Variants in MCM8 observed in about 807,000 individuals in gnomAD.
MCM8 encodes minichromosome maintenance 8 homologous recombination repair factor.
MCM8 carries 85 observed loss-of-function variants against 98.9 expected under a neutral mutation model. The ratio of observed to expected loss-of-function variants is 0.86; its 90% CI spans 0.72 to 1.03. The LOEUF (loss-of-function observed/expected upper bound fraction) is 1.03, where lower values mean the gene tolerates loss of function less well. MCM8 is among the 50% of genes least tolerant of loss of function. The pLI is 0.00. For missense variants in MCM8, 951 were observed against 997.8 expected (o/e 0.95, Z 0.63); for synonymous variants, 352 against 338.6 (o/e 1.04, Z -0.44).
chr20:5,955,698 G>A (rs2088961491), intron 5 of MCM8, among the ~76,000 whole-genome samples: 1 of 152,140 alleles, frequency 6.6e-6, no homozygotes, highest in African/African-American at 2.4e-5. Context: ...AGTTTGTACT[G>A]TGCTTGCCTG....
intron 18 of MCM8, chr20:5,993,916 A>T: frequency 2.4e-6 from 1 of 421,004 alleles, no homozygotes; most frequent in Non-Finnish European, 4.2e-6. Context: ...TTAACGTTGC[A>T]TCCCTCATCT....
In MCM8 at chr20:5,962,368, T is replaced by C. The variant is rs1394003302; in HGVS notation, c.790-906T>C. On this transcript the variant is annotated intron_variant, in intron 7 of 18. Transcript: ENST00000610722. ...CCTTCATTTCTTTTTTTTTTTTTTTTTTTTTTTTTTTTTTTTTGAGACGGA... is the reference window on the plus strand; with the variant it reads ...CCTTCATTTCTTTTTTTTTTTTTTTCTTTTTTTTTTTTTTTTTGAGACGGA... 1.6e-4 allele frequency among the ~76,000 whole-genome samples: 9 copies of C among 55,640 alleles called. 1 individual carries two copies. Among genetic ancestry groups the C allele is most frequent in the Admixed American group, 5.0e-4 (3 of 6,006 alleles). 36.5% of individuals were successfully genotyped at this position (55,640 alleles called of 152,430 possible).
chr20:5,987,314 A>T lies in MCM8; in HGVS notation c.2196A>T (p.Ala732=). The change falls in exon 17 of 19, where the codon GCA becomes GCT. Residue 732 remains alanine (A), a synonymous_variant. Coordinates refer to ENST00000610722, the MANE Select transcript of MCM8 (RefSeq NM_032485.6). ...ARARLELREE[A]TKEDAEDIVE... is the part of the protein sequence containing the mutation. ...CAAGGTTGGAATTGAGAGAGGAAGC[A>T]ACCAAAGAAGACGCTGAGGATATAG... 3 of 1,613,534 alleles carry T rather than the reference A, an allele frequency of 1.9e-6. No individual in the cohort carries two copies. The highest frequency in any genetic ancestry group is 2.5e-6 in the Non-Finnish European group (3 of 1,179,806).
rs374172906 is a variant in MCM8 at position 5,958,710 on chromosome 20, A to G, written c.773A>G (p.Tyr258Cys). Residue 258 changes from tyrosine to cysteine, a missense_variant, in exon 7 of 19, where the codon TAC becomes TGC. Tyr to Cys is a radical substitution (Grantham distance 194, BLOSUM62 -2). Coordinates refer to ENST00000610722, the MANE Select transcript of MCM8 (RefSeq NM_032485.6). ...IQSFPLPDGK[Y>C]SLPTKCPVPV... ...AGCTTTCCTCTTCCAGATGGAAAAT[A>G]CAGTCTTCCCACAAAGGTAATACGT... The G allele has an allele frequency of 3.1e-6, 5 of 1,614,040 alleles. No homozygotes were observed. In the African/African-American group the frequency reaches 5.3e-5, roughly 17 times the overall value.
Position 5,986,072 on chromosome 20 carries a change from A to C in MCM8, c.2104A>C (p.Arg702=). Residue 702 remains arginine (R), a synonymous_variant, in exon 16 of 19, where the codon AGG becomes CGG. Transcript: ENST00000610722. ...FYLELRKQSQ[R]LNSSPITTRQ... is the part of the protein sequence containing the mutation. Reference sequence around the variant, plus strand: ...CCTTGAGCTCCGGAAACAGAGCCAGAGGTTAAATAGCTCACCAATCACTAC... The same window carrying C: ...CCTTGAGCTCCGGAAACAGAGCCAGCGGTTAAATAGCTCACCAATCACTAC... The C allele has an allele frequency of 4.3e-6, 7 of 1,614,204 alleles. No individual in the cohort carries two copies. Among genetic ancestry groups the C allele is most frequent in the Non-Finnish European group, 5.9e-6 (7 of 1,180,036 alleles).
At chr20:5,968,575 C>T (rs931882493) in intron 10 of MCM8, among the ~76,000 whole-genome samples, 1 of 152,100 alleles carries the variant, frequency 6.6e-6, no homozygotes, top group Non-Finnish European at 1.5e-5. Context: ...TTTCAGTGTC[C>T]ATAAATAAAG....
At position 5,984,594 on chromosome 20, in the gene MCM8, A is replaced by G. The variant is rs370807053; in HGVS notation, c.1734-187A>G. Among the ~76,000 whole-genome samples the G allele has an allele frequency of 1.4e-4, 21 of 152,322 alleles. 1 individual carries two copies. Among genetic ancestry groups the G allele is most frequent in the Middle Eastern group, 3.4e-3 (1 of 294 alleles). On this transcript the variant is annotated intron_variant, in intron 14 of 18. Coordinates refer to ENST00000610722, the MANE Select transcript of MCM8 (RefSeq NM_032485.6). ...AACCTACCCAGGGTAGATACATGTA[A>G]TTCTTGTGCCCATGTTGCAGTGGTT...
Position 5,995,618 on chromosome 20 carries a change from G to C in MCM8, c.*1227G>C, listed in dbSNP as rs1443201381. The C allele has an allele frequency of 2.6e-5, 4 of 152,288 alleles. No individual in the cohort carries two copies. Among genetic ancestry groups the C allele is most frequent in the South Asian group, 2.1e-4 (1 of 4,818 alleles). The allele number at this position is 152,288 out of a possible 1,614,324, so 9.4% of individuals were successfully genotyped here. On this transcript the variant is annotated 3_prime_UTR_variant, in exon 19 of 19. Transcript: ENST00000610722. ...ATACAAAGACATCTGATTGAAAAAG[G>C]GTATGTTATATGCCCCTTTCATAGG...
intron 2 of MCM8, 88 bp from the exon 3 acceptor site, chr20:5,952,336 C>CT (rs1321023553): frequency 1.3e-5 from 21 of 1,567,452 alleles, no homozygotes; most frequent in Non-Finnish European, 1.8e-5. Flanking sequence ...TTTGGATACT[C>CT]TATTAATGAG....
At chr20:5,970,555 AT>A (rs1446700708) in intron 10 of MCM8, among the ~76,000 whole-genome samples, 1 of 152,190 alleles carries the variant, frequency 6.6e-6, no homozygotes, top group African/African-American at 2.4e-5. Flanking sequence ...TGGCCTGCCC[AT>A]CCTGCCTGCC....
chr20:5,958,657 T>C lies in MCM8; in HGVS notation c.720T>C (p.Phe240=). The change falls in exon 7 of 19, where the codon TTT becomes TTC. Residue 240 remains phenylalanine, a synonymous_variant. Coordinates refer to ENST00000610722, the MANE Select transcript of MCM8 (RefSeq NM_032485.6). ...NIKPLCTKMA[F]LCAACGEIQS... is the part of the protein sequence containing the mutation. ...AGCCTCTTTGCACCAAGATGGCTTT[T>C]CTTTGTGCTGCATGTGGAGAAATTC... 2 of 1,614,170 alleles carry C rather than the reference T, an allele frequency of 1.2e-6. No homozygotes were observed. Among genetic ancestry groups the C allele is most frequent in the Non-Finnish European group, 8.5e-7 (1 of 1,180,014 alleles).
In MCM8 at chr20:5,958,533, A is replaced by C; in HGVS notation, c.596A>C (p.Tyr199Ser). 2 of 1,613,668 alleles carry C rather than the reference A, an allele frequency of 1.2e-6. No individual in the cohort carries two copies. The highest frequency in any genetic ancestry group is 1.7e-6 in the Non-Finnish European group (2 of 1,179,708). The change falls in exon 7 of 19, where the codon TAC (tyrosine) becomes TCC (serine). Residue 199 changes from tyrosine (Y) to serine (S), a missense_variant. Physicochemically the swap from Tyr to Ser is moderately radical, Grantham distance 144. Coordinates refer to ENST00000610722, the MANE Select transcript of MCM8 (RefSeq NM_032485.6). ...ACTTCCTGTTTTGTCTTTAGGGTGT[A>C]CAACTATGAGCCTTTGACACAGCTC... ...VNVPHIHARV[Y>S]NYEPLTQLKN...
intron 6 of MCM8, among the ~76,000 whole-genome samples, chr20:5,958,042 A>C (rs1206387795): frequency 6.6e-6 from 1 of 151,956 alleles, no homozygotes; most frequent in Non-Finnish European, 1.5e-5. Context: ...AGCCTGTGAG[A>C]CAAGAAGAAA....
rs1002814569 is a variant in MCM8, at chr20:5,964,185, T to C, written c.875+826T>C. Reference sequence around the variant, plus strand: ...ATGTGTTTTTCATCCCATAATTGATTACATTTTTTCTAGCTGTAGATCTAT... The same window carrying C: ...ATGTGTTTTTCATCCCATAATTGATCACATTTTTTCTAGCTGTAGATCTAT... On this transcript the variant is annotated intron_variant, in intron 8 of 18. Coordinates refer to ENST00000610722, the MANE Select transcript of MCM8 (RefSeq NM_032485.6). Among the ~76,000 whole-genome samples the C allele has an allele frequency of 5.9e-5, 9 of 151,488 alleles. No homozygotes were observed. In the South Asian group the frequency reaches 1.7e-3, roughly 28 times the overall value.
chr20:5,978,467 C>A (rs1259403037), intron 13 of MCM8, among the ~76,000 whole-genome samples: 1 of 152,188 alleles, frequency 6.6e-6, no homozygotes, highest in African/African-American at 2.4e-5. Context: ...TATGATTTAG[C>A]TCTAAATAGT....
At position 5,957,119 on chromosome 20, in the gene MCM8, T is replaced by C; in HGVS notation, c.487-7T>C. 1 of 1,601,558 alleles carries C rather than the reference T, an allele frequency of 6.2e-7. No homozygotes were observed. On this transcript the variant is annotated splice_polypyrimidine_tract_variant and splice_region_variant and intron_variant, in intron 5 of 18. Transcript: ENST00000610722. ...CCAACTTCAGAGTAAATGTCTGTCC[T>C]GTTTAGGTGTTAACTAAGGACCTTG...
At chr20:5,979,286 A>T (rs948346670) in intron 13 of MCM8, among the ~76,000 whole-genome samples, 3 of 152,208 alleles carry the variant, frequency 2.0e-5, no homozygotes, top group African/African-American at 7.2e-5. Context: ...ACCTGTTGTT[A>T]ACTAAGGTGC....
chr20:5,954,387 TAG>T (rs915971495), intron 3 of MCM8, among the ~76,000 whole-genome samples: 3 of 152,176 alleles, frequency 2.0e-5, no homozygotes, highest in African/African-American at 4.8e-5. Flanking sequence ...GTGGGGCTTT[TAG>T]AGAGAGAGAG....
chr20:5,986,980 C>T (rs1002567012), intron 16 of MCM8, among the ~76,000 whole-genome samples: 7 of 152,090 alleles, frequency 4.6e-5, no homozygotes, highest in South Asian at 4.1e-4. Context: ...CATACACCAC[C>T]GCACCCAGCT....
Sources: allele counts gnomAD v4.1 joint callset (sites outside exome capture counted in the v4.1 genomes callset), GRCh38; gene constraint gnomAD v4.1.1; transcripts MANE v1.5; gene names NCBI Gene and HGNC (gene_info 2026-07-23, HGNC 2026-07-21).